MTREX: variants seen among roughly 807,000 people sequenced by gnomAD.
MTREX encodes the protein exosome RNA helicase MTR4.
In MTREX, 76 loss-of-function variants were observed where a neutral mutation model predicts 135.4. That is an observed-to-expected ratio of 0.56 (90% confidence interval 0.47 to 0.68). MTREX has a LOEUF of 0.68. MTREX is among the 30% of genes least tolerant of loss of function. The pLI is 0.00. For synonymous variants in MTREX, 404 were observed against 401.6 expected, an observed-to-expected ratio of 1.01 and a Z score of -0.07; for missense variants, 920 against 1,262.1, an observed-to-expected ratio of 0.73 and a Z score of 4.11.
chr5:55,331,482 T>TC (rs1336319547), intron 5 of MTREX, among the ~76,000 whole-genome samples: 1 of 152,240 alleles, frequency 6.6e-6, no homozygotes. Flanking sequence ...TCTGAGGTTT[T>TC]CCACTGTAGC....
At chr5:55,344,722 G>A in intron 9 of MTREX, 102 bp downstream of exon 9, 1 of 661,534 alleles carries the variant, frequency 1.5e-6, no homozygotes, top group East Asian at 3.0e-5. Flanking sequence ...GAATGGAAAA[G>A]ATACATTTGT....
intron 5 of MTREX, among the ~76,000 whole-genome samples, chr5:55,329,703 C>G (rs981889140): frequency 3.3e-5 from 5 of 152,036 alleles, no homozygotes; most frequent in African/African-American, 1.2e-4. Flanking sequence ...TTTAAGACTG[C>G]CTTTTGACTT....
At chr5:55,408,917 TTTTATTTATTTA>T (rs140029940) in intron 22 of MTREX, among the ~76,000 whole-genome samples, 2,426 of 144,278 alleles carry the variant, frequency 0.017, 44 homozygotes, top group East Asian at 0.038. Flanking sequence ...TGAACAATAT[TTTTATTTATTTA>T]TTTATTTATT....
Position 55,358,481 on chromosome 5 carries a change from CTT to C in MTREX, c.1534-91_1534-90del, listed in dbSNP as rs1749957247. On this transcript the variant is annotated intron_variant, in intron 14 of 26. Transcript: ENST00000230640. ...ATGTTTCCTTTCTTAGGGTTTATAA[CTT>C]GTTATAAATTTTATAAAAAGAGAAA... The C allele has an allele frequency of 3.4e-5, 37 of 1,093,690 alleles. No homozygotes were observed. The South Asian group carries it at 5.4e-4, about 16-fold the overall frequency. The allele number at this position is 1,093,690 out of a possible 1,614,324, so 67.7% of individuals were successfully genotyped here.
Position 55,327,794 on chromosome 5 carries a change from A to G in MTREX, c.402+16A>G. 3.8e-6 allele frequency: 6 copies of G among 1,581,788 alleles called. No homozygotes were observed. The highest frequency in any genetic ancestry group is 4.3e-6 in the Non-Finnish European group (5 of 1,152,718). ...AGCTGCTAAGGTCTGTACTTTGGGT[A>G]ATACAGTTTATATAGTTTCGTGAGA... On this transcript the variant is annotated intron_variant, in intron 4 of 26. Transcript: ENST00000230640.
At chr5:55,421,384 C>A (rs2111633484) in intron 25 of MTREX, among the ~76,000 whole-genome samples, 1 of 152,334 alleles carries the variant, frequency 6.6e-6, no homozygotes, top group South Asian at 2.1e-4. Flanking sequence ...CTGTGGGCAA[C>A]AACCACAGTC....
chr5:55,333,357 T>C (rs1478231500), intron 5 of MTREX, among the ~76,000 whole-genome samples: 1 of 152,194 alleles, frequency 6.6e-6, no homozygotes, highest in African/African-American at 2.4e-5. Flanking sequence ...CACAAACCAG[T>C]TTCCTCCTAA....
intron 25 of MTREX, among the ~76,000 whole-genome samples, chr5:55,420,438 G>T (rs1013418710): frequency 6.6e-6 from 1 of 152,170 alleles, no homozygotes; most frequent in African/African-American, 2.4e-5. Flanking sequence ...TGAATAAATT[G>T]TGGTATATAT....
chr5:55,390,417 G>C (rs1750547944), intron 19 of MTREX, among the ~76,000 whole-genome samples: 2 of 151,990 alleles, frequency 1.3e-5, no homozygotes, highest in African/African-American at 4.8e-5. Flanking sequence ...ACTACTTTCT[G>C]AAGTGACTTT....
In MTREX at chr5:55,351,129, A is replaced by C. The variant is rs1027896411; in HGVS notation, c.1431+100A>C. On this transcript the variant is annotated intron_variant, in intron 13 of 26. Coordinates refer to ENST00000230640, the MANE Select transcript of MTREX (RefSeq NM_015360.5). ...TATAGGCAATATGTGTGTTTTTAAC[A>C]AGGCTTAATGAAATGACTTAAATAA... The C allele has an allele frequency of 1.0e-5, 14 of 1,334,158 alleles. No individual in the cohort carries two copies. In the South Asian group the frequency reaches 2.2e-4, roughly 21 times the overall value. The allele number at this position is 1,334,158 out of a possible 1,614,324, so 82.6% of individuals were successfully genotyped here.
At chr5:55,322,560 C>A in intron 2 of MTREX, 96 bp downstream of exon 2, 1 of 805,198 alleles carries the variant, frequency 1.2e-6, no homozygotes, top group Non-Finnish European at 1.9e-6. Flanking sequence ...TAGATATATG[C>A]CCGTATTAGA....
chr5:55,337,470 A>G (rs1749571763), intron 5 of MTREX, among the ~76,000 whole-genome samples: 1 of 152,018 alleles, frequency 6.6e-6, no homozygotes, highest in South Asian at 2.1e-4. Context: ...GTTTTAGATA[A>G]TTCTTTATGT....
rs78329576 is a variant in MTREX, at chr5:55,350,485, T to A, written c.1321-434T>A. 3.0e-3 allele frequency among the ~76,000 whole-genome samples: 461 copies of A among 152,356 alleles called. 14 individuals carry two copies. The East Asian group carries it at 0.079, about 26-fold the overall frequency. Reference sequence around the variant, plus strand: ...AAGTATTTAATGGCGTTTGATAGATTGTTGAAAGAATTCTTCAATAATTGG... The same window carrying A: ...AAGTATTTAATGGCGTTTGATAGATAGTTGAAAGAATTCTTCAATAATTGG... On this transcript the variant is annotated intron_variant, in intron 12 of 26. Coordinates refer to ENST00000230640, the MANE Select transcript of MTREX (RefSeq NM_015360.5).
At chr5:55,394,735 A>G (rs1010287622) in intron 19 of MTREX, among the ~76,000 whole-genome samples, 10 of 152,168 alleles carry the variant, frequency 6.6e-5, no homozygotes, top group Non-Finnish European at 1.5e-4. Context: ...AAGTAAAAAT[A>G]AAAATGATAG....
At chr5:55,402,265 A>G (rs112784537) in intron 21 of MTREX, among the ~76,000 whole-genome samples, 1 of 152,202 alleles carries the variant, frequency 6.6e-6, no homozygotes, top group Non-Finnish European at 1.5e-5. Flanking sequence ...ACTTCTCAAG[A>G]TGAGGAAACT....
intron 7 of MTREX, 118 bp from the exon 8 acceptor site, chr5:55,343,213 T>C (rs538919904): frequency 4.1e-5 from 37 of 906,014 alleles, no homozygotes; most frequent in Non-Finnish European, 6.0e-5. Flanking sequence ...GCTTAAAATA[T>C]TCTTGAGTAA....
At chr5:55,360,288 TTTTCATTGCTGAATAATA>T (rs1189150279) in intron 15 of MTREX, among the ~76,000 whole-genome samples, 2 of 152,344 alleles carry the variant, frequency 1.3e-5, no homozygotes, top group African/African-American at 2.4e-5. Flanking sequence ...ACTTCATTCC[TTTTCATTGCTGAATAATA>T]TTTCATTGTA....
chr5:55,406,146 G>A (rs774337904), intron 22 of MTREX, among the ~76,000 whole-genome samples: 32 of 152,160 alleles, frequency 2.1e-4, no homozygotes, highest in Non-Finnish European at 3.5e-4. Context: ...TTCTGTTTCA[G>A]TAATCTTTTG....
At chr5:55,361,070 A>G (rs752942203) in intron 15 of MTREX, among the ~76,000 whole-genome samples, 65 of 152,200 alleles carry the variant, frequency 4.3e-4, no homozygotes, top group Non-Finnish European at 8.1e-4. Flanking sequence ...AGATTTTTCA[A>G]CTATTAGTTT....
Sources: gnomAD v4.1 joint callset for allele counts (sites outside exome capture counted in the v4.1 genomes callset) on GRCh38, gnomAD v4.1.1 for gene constraint, MANE v1.5 for transcripts, NCBI Gene and HGNC (gene_info 2026-07-23, HGNC 2026-07-21) for gene names.